The following CAMTA1 variants were observed in gnomAD, a reference collection of about 807,000 sequenced individuals.
CAMTA1 encodes calmodulin binding transcription activator 1.
In CAMTA1, 27 loss-of-function variants were observed where a neutral mutation model predicts 170.9. The ratio of observed to expected loss-of-function variants is 0.16; its 90% CI spans 0.12 to 0.22. CAMTA1 has a LOEUF of 0.22. Ranked by LOEUF, CAMTA1 falls within the 10% of genes least tolerant of loss-of-function variation. The pLI is 1.00. For missense variants in CAMTA1, 1,619 were observed against 2,217.2 expected (o/e 0.73, Z 5.42); for synonymous variants, 833 against 891.5 (o/e 0.93, Z 1.17).
At chr1:7,103,781 C>T (rs547677878) in intron 4 of CAMTA1, among the ~76,000 whole-genome samples, 1 of 148,788 alleles carries the variant, frequency 6.7e-6, no homozygotes, top group East Asian at 2.0e-4. Context: ...ACACACATAA[C>T]TACACGTACA....
chr1:7,048,834 C>T (rs1326561020), intron 3 of CAMTA1, among the ~76,000 whole-genome samples: 1 of 152,220 alleles, frequency 6.6e-6, no homozygotes. Flanking sequence ...CCACTTGAAG[C>T]AGAGCTTTGT....
chr1:7,097,140 G>A (rs192124102), intron 4 of CAMTA1, among the ~76,000 whole-genome samples: 1 of 152,172 alleles, frequency 6.6e-6, no homozygotes, highest in African/African-American at 2.4e-5. Context: ...TCCTGCTCCC[G>A]TAGCTGCACG....
At chr1:7,284,133 TTCTTCTTCTTCTTC>T (rs1671922791) in intron 5 of CAMTA1, among the ~76,000 whole-genome samples, 1 of 60,656 alleles carries the variant, frequency 1.6e-5, no homozygotes, top group Admixed American at 1.7e-4. Flanking sequence ...GCTGTTCTTC[TTCTTCTTCTTCTTC>T]TTCTTCTTCT....
At chr1:7,517,882 T>TC (rs1411050710) in intron 6 of CAMTA1, among the ~76,000 whole-genome samples, 1 of 151,670 alleles carries the variant, frequency 6.6e-6, no homozygotes, top group East Asian at 1.9e-4. Context: ...GGGACGATGA[T>TC]CCCCCCAGGA....
At chr1:7,551,061 G>A (rs904904342) in intron 6 of CAMTA1, among the ~76,000 whole-genome samples, 3 of 152,132 alleles carry the variant, frequency 2.0e-5, no homozygotes, top group East Asian at 1.9e-4. Flanking sequence ...CTGGGAAGGC[G>A]CAGGATTGGC....
At chr1:6,849,041 C>T (rs1659398947) in intron 3 of CAMTA1, among the ~76,000 whole-genome samples, 1 of 152,092 alleles carries the variant, frequency 6.6e-6, no homozygotes, top group African/African-American at 2.4e-5. Context: ...TCTTTGAGTT[C>T]TTTTGGGAGG....
chr1:7,488,841 CAT>C (rs2093659481), intron 6 of CAMTA1, among the ~76,000 whole-genome samples: 1 of 152,166 alleles, frequency 6.6e-6, no homozygotes, highest in Non-Finnish European at 1.5e-5. Context: ...CACATATGCA[CAT>C]GATATACACA....
At chr1:7,612,505 C>T (rs1197684857) in intron 6 of CAMTA1, among the ~76,000 whole-genome samples, 1 of 152,210 alleles carries the variant, frequency 6.6e-6, no homozygotes, top group Non-Finnish European at 1.5e-5. Context: ...TAAAAGGCAA[C>T]ATTTGGGCGC....
chr1:7,077,446 A>C (rs1639450460), intron 3 of CAMTA1, among the ~76,000 whole-genome samples: 1 of 152,006 alleles, frequency 6.6e-6, no homozygotes, highest in Admixed American at 6.6e-5. Flanking sequence ...GTATGGGAGC[A>C]GAGGGGAGTG....
chr1:6,949,173 C>T (rs1032336695), intron 3 of CAMTA1, among the ~76,000 whole-genome samples: 2 of 152,184 alleles, frequency 1.3e-5, no homozygotes, highest in African/African-American at 2.4e-5. Flanking sequence ...TAAATTGTTC[C>T]ATTTCAGCCC....
Position 7,736,406 on chromosome 1 carries a change from G to C in CAMTA1, c.3129G>C (p.Glu1043Asp), listed in dbSNP as rs754582142. 6.2e-7 allele frequency: 1 copy of C among 1,614,008 alleles called. No individual in the cohort carries two copies. The highest frequency in any genetic ancestry group is 8.5e-7 in the Non-Finnish European group (1 of 1,180,034). The part of the protein sequence containing the change: ...CFESRVVVVC[E>D]KMMSRACWAK... ...AGAGCCGTGTGGTCGTGGTATGCGA[G>C]AAGATGATGAGCCGAGCCTGCTGGG... Residue 1043 changes from glutamate to aspartate, a missense_variant, in exon 13 of 23, where the codon GAG becomes GAC. By Grantham distance (45) the Glu-to-Asp change is conservative. Transcript: ENST00000303635. The surrounding 1 kb of genome is among the most constrained non-coding windows in gnomAD (Gnocchi z 4.5).
At chr1:7,253,822 A>G (rs2149322227) in intron 5 of CAMTA1, among the ~76,000 whole-genome samples, 1 of 152,282 alleles carries the variant, frequency 6.6e-6, no homozygotes, top group African/African-American at 2.4e-5. Flanking sequence ...AGATGAAGTC[A>G]GCACCTATTT....
In CAMTA1 at chr1:7,671,124, G is replaced by T. The variant is rs2096056892; in HGVS notation, c.2779+87G>T. 2.1e-6 allele frequency: 3 copies of T among 1,449,180 alleles called. No homozygotes were observed. In the East Asian group the frequency reaches 6.8e-5, roughly 33 times the overall value. The allele number at this position is 1,449,180 out of a possible 1,614,324, so 89.8% of individuals were successfully genotyped here. On this transcript the variant is annotated intron_variant, in intron 10 of 22. Transcript: ENST00000303635. The stretch of plus-strand genomic sequence containing the variant: ...GGAGTTGGCCTTGGGGTGACCTTGA[G>T]CAGGTCATGTCCTTACTCTAGGCCT...
At chr1:7,331,261 C>T (rs2083016477) in intron 5 of CAMTA1, among the ~76,000 whole-genome samples, 1 of 152,020 alleles carries the variant, frequency 6.6e-6, no homozygotes, top group South Asian at 2.1e-4. Context: ...AACAAAACAC[C>T]TCAGTGAGGT....
chr1:7,220,170 G>A (rs1399916113), intron 4 of CAMTA1, among the ~76,000 whole-genome samples: 4 of 152,194 alleles, frequency 2.6e-5, no homozygotes, highest in East Asian at 3.8e-4. Flanking sequence ...TCAGCGCTGC[G>A]TGGCTTAGGG....
intron 3 of CAMTA1, among the ~76,000 whole-genome samples, chr1:6,999,700 C>T (rs1697916513): frequency 6.6e-6 from 1 of 152,038 alleles, no homozygotes; most frequent in African/African-American, 2.4e-5. Context: ...CGGTTGTACT[C>T]CTTGGATGTT....
intron 3 of CAMTA1, among the ~76,000 whole-genome samples, chr1:7,066,336 AC>A (rs541472015): frequency 7.2e-5 from 11 of 151,842 alleles, no homozygotes; most frequent in South Asian, 6.3e-4. Flanking sequence ...GCTATGCACC[AC>A]CCCGGGATCT....
At chr1:7,313,248 A>G (rs964913606) in intron 5 of CAMTA1, among the ~76,000 whole-genome samples, 1 of 152,130 alleles carries the variant, frequency 6.6e-6, no homozygotes, top group Non-Finnish European at 1.5e-5. Context: ...CAGAGACAAT[A>G]CTACCAATTC....
rs542440862 is a variant in CAMTA1, at chr1:7,514,731, A to G, written c.510+46830A>G. On this transcript the variant is annotated intron_variant, in intron 6 of 22. Transcript: ENST00000303635. ...ATGAGCAGACAGTGGGAAGAGAGGAATCCTCTTCCCACTGGGCAGCCTGGT... is the reference window on the plus strand; with the variant it reads ...ATGAGCAGACAGTGGGAAGAGAGGAGTCCTCTTCCCACTGGGCAGCCTGGT... Among the ~76,000 whole-genome samples the G allele has an allele frequency of 6.8e-3, 1,039 of 152,214 alleles. 14 individuals carry two copies. The highest frequency in any genetic ancestry group is 0.024 in the African/African-American group (990 of 41,544).
Sources: allele counts gnomAD v4.1 joint callset (sites outside exome capture counted in the v4.1 genomes callset), GRCh38; gene constraint gnomAD v4.1.1; non-coding constraint Gnocchi (gnomAD v3.1); transcripts MANE v1.5; gene names NCBI Gene and HGNC (gene_info 2026-07-23, HGNC 2026-07-21).